BCL2L13: variants seen among roughly 807,000 people sequenced by gnomAD.
BCL2L13 encodes the protein BCL2 like 13, also known as bcl-2-like protein 13.
In BCL2L13, 13 loss-of-function variants were observed where a neutral mutation model predicts 25.8. The observed-to-expected ratio is 0.50, with a 90% CI of 0.33 to 0.80. BCL2L13 has a LOEUF of 0.80. Among genes scored for constraint, BCL2L13 ranks in the 30% least tolerant of loss-of-function variants. The pLI is 0.02. For missense variants in BCL2L13, 504 were observed against 574.9 expected, an observed-to-expected ratio of 0.88 and a Z score of 1.26; for synonymous variants, 244 against 230.3, an observed-to-expected ratio of 1.06 and a Z score of -0.54.
At chr22:17,664,415 A>AC (rs35852549) in intron 2 of BCL2L13, among the ~76,000 whole-genome samples, 282 of 150,834 alleles carry the variant, frequency 1.9e-3, no homozygotes, top group Admixed American at 2.3e-3. Context: ...ATATATAGCC[A>AC]CCCCCCCCCG....
chr22:17,636,652 C>T (rs903137562), upstream of BCL2L13, among the ~76,000 whole-genome samples: 3 of 151,718 alleles, frequency 2.0e-5, no homozygotes, highest in African/African-American at 7.3e-5. Context: ...AAATATTAGC[C>T]AGGTGTGGTG....
chr22:17,703,465 T>C (rs1254797681), intron 6 of BCL2L13: 1 of 152,076 alleles, frequency 6.6e-6, no homozygotes, highest in East Asian at 1.9e-4. Flanking sequence ...CCTGGACATT[T>C]ATGCGGACTC....
chr22:17,654,011 G>A (rs889227336), intron 1 of BCL2L13, among the ~76,000 whole-genome samples: 4 of 151,996 alleles, frequency 2.6e-5, no homozygotes, highest in African/African-American at 9.7e-5. Flanking sequence ...TATCATGTTT[G>A]TCTTCATGTC....
intron 1 of BCL2L13, among the ~76,000 whole-genome samples, chr22:17,639,825 T>A (rs1250351332): frequency 4.6e-5 from 7 of 152,072 alleles, no homozygotes; most frequent in Non-Finnish European, 1.0e-4. Context: ...TGACCTTGGA[T>A]GAGTTGCCAC....
intron 2 of BCL2L13, among the ~76,000 whole-genome samples, chr22:17,668,448 CTG>C (rs996154710): frequency 3.3e-5 from 5 of 149,496 alleles, no homozygotes; most frequent in Non-Finnish European, 5.9e-5. Context: ...GGTCTTTGAT[CTG>C]TGTTTTTTTT....
upstream of BCL2L13, among the ~76,000 whole-genome samples, chr22:17,636,643 A>T (rs1437502968): frequency 1.3e-5 from 2 of 151,766 alleles, no homozygotes; most frequent in Non-Finnish European, 2.9e-5. Context: ...ACAAAAAAAA[A>T]ATATTAGCCA....
chr22:17,639,396 A>G (rs920396432), intron 1 of BCL2L13, among the ~76,000 whole-genome samples: 6 of 152,114 alleles, frequency 3.9e-5, no homozygotes, highest in Admixed American at 6.5e-5. Context: ...ATTTTTTCAG[A>G]AAAAAACTGC....
At chr22:17,657,066 G>A (rs981276786) in intron 2 of BCL2L13, among the ~76,000 whole-genome samples, 1 of 152,136 alleles carries the variant, frequency 6.6e-6, no homozygotes, top group African/African-American at 2.4e-5. Context: ...CAATCTGCCC[G>A]CCTTGGCCTC....
chr22:17,658,111 C>T (rs774783460), intron 2 of BCL2L13, among the ~76,000 whole-genome samples: 2 of 151,096 alleles, frequency 1.3e-5, no homozygotes, highest in South Asian at 4.2e-4. Context: ...TGAGCCACCA[C>T]GCCCGGCCGA....
chr22:17,688,622 A>T (rs1422892550), intron 3 of BCL2L13, among the ~76,000 whole-genome samples: 1 of 152,194 alleles, frequency 6.6e-6, no homozygotes, highest in Non-Finnish European at 1.5e-5. Context: ...CTCTAAATTT[A>T]TGACCTATCA....
intron 2 of BCL2L13, among the ~76,000 whole-genome samples, chr22:17,658,979 A>C (rs1421956999): frequency 7.2e-6 from 1 of 139,836 alleles, no homozygotes; most frequent in African/African-American, 2.6e-5. Context: ...AATTGCTTGA[A>C]CCCAGGAGGC....
In BCL2L13 at chr22:17,727,602, C is replaced by T. The variant is rs2061333295; in HGVS notation, c.*68C>T. On this transcript the variant is annotated 3_prime_UTR_variant, in exon 7 of 7. Coordinates refer to ENST00000317582, the MANE Select transcript of BCL2L13 (RefSeq NM_015367.4). The stretch of plus-strand genomic sequence containing the variant: ...GTTGTATTGGCTGGAATTTGAACCT[C>T]CAGCAGCTGTCTGGACATTTGTGGA... The T allele has an allele frequency of 1.3e-5, 21 of 1,575,478 alleles. No homozygotes were observed. Among genetic ancestry groups the T allele is most frequent in the Non-Finnish European group, 1.8e-5 (21 of 1,159,814 alleles).
intron 2 of BCL2L13, among the ~76,000 whole-genome samples, chr22:17,662,225 T>C (rs1258202260): frequency 1.3e-5 from 2 of 152,192 alleles, no homozygotes; most frequent in East Asian, 3.8e-4. Flanking sequence ...ACGCCTGTAA[T>C]CCCAGCATTT....
In BCL2L13 at chr22:17,645,298, C is replaced by T. The variant is rs567092115; in HGVS notation, c.-51+6412C>T. 1.6e-4 allele frequency among the ~76,000 whole-genome samples: 23 copies of T among 144,822 alleles called. No homozygotes were observed. The South Asian group carries it at 2.0e-3, about 13-fold the overall frequency. ...AGGCTGGAGTGCAATCTAGGCTCAC[C>T]GCAACCTCTGCTTTCTCGGTTCAAG... On this transcript the variant is annotated intron_variant, in intron 1 of 6. Coordinates refer to ENST00000317582, the MANE Select transcript of BCL2L13 (RefSeq NM_015367.4).
Position 17,727,912 on chromosome 22 carries a change from T to C in BCL2L13, c.*378T>C. 4.1e-6 allele frequency: 1 copy of C among 246,098 alleles called. No individual in the cohort carries two copies. The highest frequency in any genetic ancestry group is 8.0e-6 in the Non-Finnish European group (1 of 124,994). The allele number at this position is 246,098 out of a possible 1,614,324, so 15.2% of individuals were successfully genotyped here. A position where few individuals can be genotyped will look rare whatever the true frequency, so the allele number is the denominator to read the frequency against. On this transcript the variant is annotated 3_prime_UTR_variant, in exon 7 of 7. Coordinates refer to ENST00000317582, the MANE Select transcript of BCL2L13 (RefSeq NM_015367.4). ...CCCTCCCAGAGATGACAAACGAAAA[T>C]GTCTCTAGACATTGCCAAATGTCCC... is the stretch of plus-strand genomic sequence containing the variant.
At chr22:17,673,719 T>A (rs1319963724) in intron 2 of BCL2L13, among the ~76,000 whole-genome samples, 7 of 152,150 alleles carry the variant, frequency 4.6e-5, no homozygotes, top group Non-Finnish European at 1.5e-5. Flanking sequence ...CCTCAAAATA[T>A]ACTGATAACT....
chr22:17,695,585 G>T (rs1190597539), intron 4 of BCL2L13, among the ~76,000 whole-genome samples: 1 of 152,026 alleles, frequency 6.6e-6, no homozygotes, highest in Non-Finnish European at 1.5e-5. Flanking sequence ...CTCTCAAAGT[G>T]CTGGGATTAC....
At chr22:17,720,464 C>T (rs2061088777) in intron 6 of BCL2L13, among the ~76,000 whole-genome samples, 1 of 152,164 alleles carries the variant, frequency 6.6e-6, no homozygotes, top group Admixed American at 6.5e-5. Context: ...TCAAGTGATT[C>T]TCCTGCCTCA....
chr22:17,666,320 T>G (rs905302099), intron 2 of BCL2L13, among the ~76,000 whole-genome samples: 1 of 152,184 alleles, frequency 6.6e-6, no homozygotes, highest in Non-Finnish European at 1.5e-5. Context: ...TCATAGGGAA[T>G]GGGGTATCCG....
Sources: gnomAD v4.1 joint callset for allele counts (sites outside exome capture counted in the v4.1 genomes callset) on GRCh38, gnomAD v4.1.1 for gene constraint, MANE v1.5 for transcripts, NCBI Gene and HGNC (gene_info 2026-07-23, HGNC 2026-07-21) for gene names.